The following SCN10A variants were observed in gnomAD, a reference collection of about 807,000 sequenced individuals.
The protein encoded by SCN10A is sodium voltage-gated channel alpha subunit 10.
Under a neutral mutation model 170.7 loss-of-function variants are expected in SCN10A, and 162 were observed. The ratio of observed to expected loss-of-function variants is 0.95; its 90% CI spans 0.84 to 1.08. The LOEUF is 1.08. Ranked by LOEUF, SCN10A falls within the 50% of genes least tolerant of loss-of-function variation. The probability of loss-of-function intolerance (pLI) is 0.00; values close to 1 mark genes in which losing one functional copy is unlikely to be tolerated. For synonymous variants in SCN10A, 985 were observed against 904.6 expected (o/e 1.09, Z -1.59); for missense variants, 2,527 against 2,436.9 (o/e 1.04, Z -0.78).
Position 38,698,050 on chromosome 3 carries a change from T to C in SCN10A, c.5170A>G (p.Asn1724Asp), listed in dbSNP as rs1481222954. ...VNMYIAVILE[N>D]FNVATEESTE... ...CTCTCCTCCGTGGCCACATTGAAGTTCTCCAGAATCACTGCAATGTACATG... is the reference window on the plus strand; with the variant it reads ...CTCTCCTCCGTGGCCACATTGAAGTCCTCCAGAATCACTGCAATGTACATG... Residue 1724 changes from asparagine to aspartate, a missense_variant, in exon 28 of 28, where the codon AAC becomes GAC. Coordinates refer to ENST00000449082, the MANE Select transcript of SCN10A (RefSeq NM_006514.4). The C allele has an allele frequency of 2.5e-6, 4 of 1,614,120 alleles. No homozygotes were observed. Among genetic ancestry groups the C allele is most frequent in the Non-Finnish European group, 3.4e-6 (4 of 1,180,040 alleles).
rs576875910 is a variant in SCN10A, at chr3:38,759,790, C to T, written c.950+891G>A. On this transcript the variant is annotated intron_variant, in intron 8 of 27. Coordinates refer to ENST00000449082, the MANE Select transcript of SCN10A (RefSeq NM_006514.4). ...TTCCACATGGCAACCAAAAGCTGGA[C>T]CGAGCAGTGGGGCTGTCCCCTTTAG... Among the ~76,000 whole-genome samples the T allele has an allele frequency of 3.3e-5, 5 of 152,304 alleles. No individual in the cohort carries two copies. The South Asian group carries it at 1.0e-3, about 32-fold the overall frequency.
At position 38,761,295 on chromosome 3, in the gene SCN10A, A is replaced by G; in HGVS notation, c.780T>C (p.Phe260=). The change falls in exon 7 of 28, where the codon TTT becomes TTC. Residue 260 remains phenylalanine, a synonymous_variant. Transcript: ENST00000449082. ...TILTIFCLSV[F]ALVGLQLFKG... ...TGAAGAGTTGCAGCCCCACCAAGGC[A>G]AAAACACTTAGGCAGAAGATGGTGA... 6.2e-7 allele frequency: 1 copy of G among 1,614,002 alleles called. No homozygotes were observed. The highest frequency in any genetic ancestry group is 1.3e-5 in the African/African-American group (1 of 75,030).
chr3:38,803,693 A>G (rs1293732156), intron 1 of SCN10A, among the ~76,000 whole-genome samples: 2 of 151,530 alleles, frequency 1.3e-5, no homozygotes, highest in Admixed American at 6.6e-5. Context: ...AGATATACCT[A>G]ATGTAAATGA....
intron 11 of SCN10A, 88 bp downstream of exon 11, chr3:38,755,700 C>G (rs2063795565): frequency 2.0e-6 from 3 of 1,503,298 alleles, no homozygotes; most frequent in Non-Finnish European, 2.8e-6. Flanking sequence ...AGCTCTTTCT[C>G]TGCCACACAC....
At chr3:38,733,128 C>G (rs1325810631) in intron 15 of SCN10A, among the ~76,000 whole-genome samples, 1 of 152,108 alleles carries the variant, frequency 6.6e-6, no homozygotes, top group Non-Finnish European at 1.5e-5. Context: ...GGTCTGAAGC[C>G]ATCTAAGTTT....
intron 1 of SCN10A, among the ~76,000 whole-genome samples, chr3:38,804,457 A>G (rs1052423684): frequency 1.3e-5 from 2 of 152,094 alleles, no homozygotes; most frequent in Non-Finnish European, 2.9e-5. Flanking sequence ...TGTTTTCCCC[A>G]TGAAAGCATA....
intron 25 of SCN10A, among the ~76,000 whole-genome samples, chr3:38,709,057 T>A (rs528292089): frequency 6.6e-6 from 1 of 152,290 alleles, no homozygotes; most frequent in South Asian, 2.1e-4. Flanking sequence ...TTCCTCCCCA[T>A]CCCAAGGAGG....
In SCN10A at chr3:38,698,526, C is replaced by T. The variant is rs200063383; in HGVS notation, c.4694G>A (p.Ser1565Asn). The T allele has an allele frequency of 3.4e-4, 547 of 1,613,452 alleles. 5 individuals carry two copies. In the South Asian group the frequency reaches 5.7e-3, roughly 17 times the overall value. The part of the protein sequence containing the change: ...IFSAILKSLQ[S>N]YFSPTLFRVI... ...TCTGAAGAGCGTTGGGGAGAAGTAA[C>T]TTTGAAGTGACTTAAGAATTGCAGA... The change falls in exon 28 of 28, where the codon AGT (serine) becomes AAT (asparagine). Residue 1565 changes from serine (S) to asparagine (N), a missense_variant. Ser to Asn is a conservative substitution (Grantham distance 46). Transcript: ENST00000449082.
intron 21 of SCN10A, among the ~76,000 whole-genome samples, chr3:38,715,304 T>C (rs1177858229): frequency 1.3e-5 from 2 of 152,076 alleles, no homozygotes. Context: ...CAAGCCCACC[T>C]CCATTCCCAC....
intron 16 of SCN10A, among the ~76,000 whole-genome samples, chr3:38,728,271 T>TG (rs2063477820): frequency 6.6e-6 from 1 of 152,222 alleles, no homozygotes; most frequent in Non-Finnish European, 1.5e-5. Flanking sequence ...TTAAGTCTCT[T>TG]GCCTGGGGTC....
intron 13 of SCN10A, among the ~76,000 whole-genome samples, chr3:38,746,096 T>TAC (rs2063686557): frequency 8.2e-6 from 1 of 122,582 alleles, no homozygotes; most frequent in African/African-American, 3.1e-5. Context: ...TATATATATA[T>TAC]ATATGCCATC....
intron 4 of SCN10A, among the ~76,000 whole-genome samples, chr3:38,773,961 A>T (rs1316689503): frequency 6.6e-6 from 1 of 152,188 alleles, no homozygotes; most frequent in African/African-American, 2.4e-5. Flanking sequence ...AAAAAAAGCT[A>T]AAAGTGGTGG....
chr3:38,739,953 T>C (rs1262886232), intron 14 of SCN10A, among the ~76,000 whole-genome samples: 6 of 152,192 alleles, frequency 3.9e-5, no homozygotes, highest in Non-Finnish European at 8.8e-5. Flanking sequence ...GCGGATAGTC[T>C]TTAAGATCAT....
chr3:38,765,896 AG>A (rs1230725044), intron 5 of SCN10A, among the ~76,000 whole-genome samples: 1 of 151,694 alleles, frequency 6.6e-6, no homozygotes, highest in African/African-American at 2.4e-5. Context: ...GATTTATTTT[AG>A]CAGTGTTTTG....
chr3:38,771,454 A>C, intron 4 of SCN10A, 47 bp from the exon 5 acceptor site: 1 of 1,601,222 alleles, frequency 6.2e-7, no homozygotes, highest in Non-Finnish European at 8.5e-7. Flanking sequence ...CATGGAGTGT[A>C]CTCAGGGGGT....
Position 38,739,763 on chromosome 3 carries a change from A to G in SCN10A, c.2107-75T>C, listed in dbSNP as rs530718233. ...GCAATGATAAAAATGGCAGCAAGAA[A>G]ATGTCTTATTTACAAAATAGAAAAT... On this transcript the variant is annotated intron_variant, in intron 14 of 27. Transcript: ENST00000449082. The G allele has an allele frequency of 5.9e-6, 7 of 1,195,054 alleles. No individual in the cohort carries two copies. The South Asian group carries it at 1.0e-4, about 17-fold the overall frequency. The allele number at this position is 1,195,054 out of a possible 1,614,324, so 74.0% of individuals were successfully genotyped here.
At chr3:38,712,726 A>G (rs2125990230) in intron 22 of SCN10A, among the ~76,000 whole-genome samples, 1 of 152,318 alleles carries the variant, frequency 6.6e-6, no homozygotes, top group Non-Finnish European at 1.5e-5. Context: ...TAGAAGTGTG[A>G]GTGTGTGTAT....
chr3:38,697,793 C>A lies in SCN10A; in HGVS notation c.5427G>T (p.Lys1809Asn), dbSNP rs984789639. 1.2e-6 allele frequency: 2 copies of A among 1,614,050 alleles called. No individual in the cohort carries two copies. Among genetic ancestry groups the A allele is most frequent in the African/African-American group, 2.7e-5 (2 of 74,920 alleles). The stretch of plus-strand genomic sequence containing the variant: ...ACTCCCCGGATTCTCCTAGGACATT[C>A]TTGGTGAAAGCAAAAAGGATGTCCA... Reference protein sequence around the residue: ...HCLDILFAFTKNVLGESGELD... With the variant: ...HCLDILFAFTNNVLGESGELD... Residue 1809 changes from lysine to asparagine, a missense_variant, in exon 28 of 28, where the codon AAG (lysine) becomes AAT (asparagine). Transcript: ENST00000449082.
intron 21 of SCN10A, among the ~76,000 whole-genome samples, chr3:38,716,281 A>G (rs2063332899): frequency 6.6e-6 from 1 of 152,124 alleles, no homozygotes; most frequent in Non-Finnish European, 1.5e-5. Context: ...CCCAAATCTT[A>G]TCTTGAATTC....
Sources: allele counts gnomAD v4.1 joint callset (sites outside exome capture counted in the v4.1 genomes callset), GRCh38; gene constraint gnomAD v4.1.1; transcripts MANE v1.5; gene names NCBI Gene and HGNC (gene_info 2026-07-23, HGNC 2026-07-21).